The following ITGB8 variants were observed in gnomAD, a reference collection of about 807,000 sequenced individuals.
ITGB8 encodes the protein integrin beta-8.
A neutral mutation model predicts 89.5 loss-of-function variants in ITGB8; 30 were observed. The observed-to-expected ratio is 0.34, with a 90% CI of 0.25 to 0.45. The LOEUF (loss-of-function observed/expected upper bound fraction) is 0.45. Ranked by LOEUF, ITGB8 falls within the 20% of genes least tolerant of loss-of-function variation. ITGB8 has a pLI of 1.00. For missense variants in ITGB8, 836 were observed against 933.3 expected (o/e 0.90, Z 1.36); for synonymous variants, 335 against 320.4 (o/e 1.05, Z -0.49).
At chr7:20,403,788 G>GAA (rs3032569) in intron 10 of ITGB8, among the ~76,000 whole-genome samples, 1 of 952 alleles carries the variant, frequency 1.1e-3, no homozygotes, top group Admixed American at 9.4e-3. Flanking sequence ...GGAAGGAAGG[G>GAA]AGAGGGAGAA....
At chr7:20,357,892 C>T (rs1032912112) in intron 1 of ITGB8, among the ~76,000 whole-genome samples, 2 of 152,190 alleles carry the variant, frequency 1.3e-5, no homozygotes, top group African/African-American at 4.8e-5. Context: ...CACTTATTGA[C>T]AATATGCAAT....
At chr7:20,342,183 A>G (rs6461490) in intron 1 of ITGB8, among the ~76,000 whole-genome samples, 1 of 152,176 alleles carries the variant, frequency 6.6e-6, no homozygotes, top group African/African-American at 2.4e-5. Flanking sequence ...CAGAGGACGT[A>G]AGAATTGGCC....
chr7:20,332,227 A>G (rs1784428306), intron 1 of ITGB8, among the ~76,000 whole-genome samples: 1 of 152,234 alleles, frequency 6.6e-6, no homozygotes, highest in Non-Finnish European at 1.5e-5. Flanking sequence ...TGTCCTGTTT[A>G]CAGAAGTCAT....
intron 3 of ITGB8, among the ~76,000 whole-genome samples, chr7:20,371,776 A>G (rs934429722): frequency 6.6e-6 from 1 of 152,202 alleles, no homozygotes; most frequent in African/African-American, 2.4e-5. Context: ...CCGCATATTT[A>G]TTTAGCATGC....
intron 10 of ITGB8, among the ~76,000 whole-genome samples, chr7:20,402,866 A>G (rs2127983544): frequency 6.6e-6 from 1 of 152,360 alleles, no homozygotes; most frequent in African/African-American, 2.4e-5. Flanking sequence ...TTAGCAAACT[A>G]AAACAAAATA....
At chr7:20,402,224 C>G (rs1787342505) in intron 10 of ITGB8, 98 bp downstream of exon 10, 6 of 1,054,126 alleles carry the variant, frequency 5.7e-6, no homozygotes, top group Non-Finnish European at 8.0e-6. Context: ...ATTAGCAAAA[C>G]TGAATCTGAA....
intron 3 of ITGB8, among the ~76,000 whole-genome samples, chr7:20,377,609 G>C (rs1786207819): frequency 6.6e-6 from 1 of 152,222 alleles, no homozygotes; most frequent in Admixed American, 6.5e-5. Flanking sequence ...CCCAAAAGCA[G>C]AGCAGAATAT....
At chr7:20,392,402 C>T (rs992424652) in intron 7 of ITGB8, among the ~76,000 whole-genome samples, 19 of 152,148 alleles carry the variant, frequency 1.2e-4, no homozygotes, top group Non-Finnish European at 5.9e-5. Context: ...ATACTTGAAC[C>T]CATTTCCATT....
intron 2 of ITGB8, chr7:20,366,023 T>C (rs976788734): frequency 6.6e-6 from 1 of 152,192 alleles, no homozygotes; most frequent in Non-Finnish European, 1.5e-5. Context: ...TCCAGTTTGC[T>C]TGCACTATTA....
chr7:20,349,034 T>C (rs1476713792), intron 1 of ITGB8, among the ~76,000 whole-genome samples: 1 of 152,194 alleles, frequency 6.6e-6, no homozygotes, highest in Non-Finnish European at 1.5e-5. Context: ...TACTGTGATA[T>C]ATTTTTTCAA....
At chr7:20,350,491 T>C (rs1162103417) in intron 1 of ITGB8, among the ~76,000 whole-genome samples, 1 of 152,166 alleles carries the variant, frequency 6.6e-6, no homozygotes, top group Admixed American at 6.5e-5. Context: ...ATAAACTGTA[T>C]CTTAAAACAG....
At position 20,404,721 on chromosome 7, in the gene ITGB8, T is replaced by A. The variant is rs1187584553; in HGVS notation, c.1781T>A (p.Val594Asp). The A allele has an allele frequency of 5.0e-6, 8 of 1,614,138 alleles. No individual in the cohort carries two copies. Among genetic ancestry groups the A allele is most frequent in the African/African-American group, 1.3e-5 (1 of 75,030 alleles). The stretch of plus-strand genomic sequence containing the variant: ...CCTTCAGCAGCAGCCCAGCACTGTG[T>A]CAATTCAAAGGGCCAAGTGTGCAGT... ...QCPSAAAQHC[V>D]NSKGQVCSGR... The change falls in exon 11 of 14, where the codon GTC becomes GAC. Residue 594 changes from valine to aspartate, a missense_variant. By Grantham distance (152) the Val-to-Asp change is radical. Coordinates refer to ENST00000222573, the MANE Select transcript of ITGB8 (RefSeq NM_002214.3).
chr7:20,356,504 A>G (rs1464683676), intron 1 of ITGB8, among the ~76,000 whole-genome samples: 1 of 152,212 alleles, frequency 6.6e-6, no homozygotes, highest in Non-Finnish European at 1.5e-5. Flanking sequence ...TGTATTAATT[A>G]CAACAGTGTT....
At chr7:20,355,524 A>AGCT (rs755422964) in intron 1 of ITGB8, among the ~76,000 whole-genome samples, 4 of 152,214 alleles carry the variant, frequency 2.6e-5, no homozygotes, top group Non-Finnish European at 5.9e-5. Flanking sequence ...TATCAAACCT[A>AGCT]ATCACTGGAC....
rs1310404875 is a variant in ITGB8, at chr7:20,402,035, A to G, written c.1596A>G (p.Ser532=). 4 of 1,614,046 alleles carry G rather than the reference A, an allele frequency of 2.5e-6. No homozygotes were observed. The African/African-American group carries it at 4.0e-5, about 16-fold the overall frequency. The change falls in exon 10 of 14, where the codon TCA becomes TCG. Residue 532 remains serine (S), a synonymous_variant. Transcript: ENST00000222573. ...GRGVCVCGKC[S]CHKIKLGKVY... ...GAGTTTGTGTTTGTGGGAAATGTTC[A>G]TGTCACAAAATTAAGCTTGGAAAAG...
intron 6 of ITGB8, among the ~76,000 whole-genome samples, chr7:20,383,796 A>G (rs182871490): frequency 5.3e-5 from 8 of 152,314 alleles, no homozygotes; most frequent in Admixed American, 1.3e-4. Context: ...GGATGATTAC[A>G]TCAAGACCTT....
At chr7:20,337,338 A>G (rs74692172) in intron 1 of ITGB8, among the ~76,000 whole-genome samples, 23,941 of 152,150 alleles carry the variant, frequency 0.16, 2,038 homozygotes, top group East Asian at 0.34. Context: ...TACTTAAAAA[A>G]TTAATAAAAA....
chr7:20,375,243 T>G (rs1037807778), intron 3 of ITGB8, among the ~76,000 whole-genome samples: 1 of 152,114 alleles, frequency 6.6e-6, no homozygotes, highest in Non-Finnish European at 1.5e-5. Context: ...TCCCAAATTA[T>G]AGTCAATTAT....
chr7:20,412,290 G>A lies in ITGB8; in HGVS notation c.*2293G>A, dbSNP rs958343010. On this transcript the variant is annotated 3_prime_UTR_variant, in exon 14 of 14. Transcript: ENST00000222573. ...TCAGTACTGTGAGTCACTTGTATAA[G>A]AAACCTTTGATCACTAAAAATAATG... The A allele has an allele frequency of 1.2e-4, 18 of 152,522 alleles. No individual in the cohort carries two copies. Among genetic ancestry groups the A allele is most frequent in the African/African-American group, 4.3e-4 (18 of 41,430 alleles). 9.4% of individuals were successfully genotyped at this position (152,522 alleles called of 1,614,324 possible).
Sources: gnomAD v4.1 joint callset for allele counts (sites outside exome capture counted in the v4.1 genomes callset) on GRCh38, gnomAD v4.1.1 for gene constraint, MANE v1.5 for transcripts, NCBI Gene and HGNC (gene_info 2026-07-23, HGNC 2026-07-21) for gene names.